PTPRD: variants seen among roughly 807,000 people sequenced by gnomAD.
PTPRD encodes the protein receptor-type tyrosine-protein phosphatase delta.
Under a neutral mutation model 214.5 loss-of-function variants are expected in PTPRD, and 34 were observed. That is an observed-to-expected ratio of 0.16 (90% CI 0.12 to 0.21). The LOEUF (loss-of-function observed/expected upper bound fraction) is 0.21. Ranked by LOEUF, PTPRD falls within the 10% of genes least tolerant of loss-of-function variation. The pLI, the probability that PTPRD is intolerant of heterozygous loss-of-function variation, is 1.00. For missense variants in PTPRD, 2,545 were observed against 2,398.7 expected (o/e 1.06, Z -1.27); for synonymous variants, 1,128 against 845.7 (o/e 1.33, Z -5.79).
intron 10 of PTPRD, among the ~76,000 whole-genome samples, chr9:9,123,074 A>G (rs1411545677): frequency 6.6e-6 from 1 of 152,206 alleles, no homozygotes; most frequent in African/African-American, 2.4e-5. Context: ...AGGAGAAATG[A>G]GAACCGAAGC....
At chr9:9,356,965 G>C (rs2054040166) in intron 9 of PTPRD, among the ~76,000 whole-genome samples, 2 of 151,256 alleles carry the variant, frequency 1.3e-5, no homozygotes, top group African/African-American at 2.4e-5. Flanking sequence ...TGTAAAATAA[G>C]GTCAAGCAAC....
At chr9:8,955,406 C>T (rs2099125853) in intron 11 of PTPRD, among the ~76,000 whole-genome samples, 1 of 151,742 alleles carries the variant, frequency 6.6e-6, no homozygotes. Context: ...AGCTCGTAGA[C>T]TCAATTATTC....
intron 11 of PTPRD, among the ~76,000 whole-genome samples, chr9:8,766,711 T>C (rs2094781199): frequency 6.6e-6 from 1 of 152,210 alleles, no homozygotes; most frequent in Non-Finnish European, 1.5e-5. Flanking sequence ...TCATCACTCA[T>C]GGATTCACCA....
chr9:8,639,200 C>A (rs2096519900), intron 12 of PTPRD, among the ~76,000 whole-genome samples: 1 of 152,206 alleles, frequency 6.6e-6, no homozygotes. Context: ...ACATTGATGT[C>A]ACTTTTCTGG....
intron 10 of PTPRD, among the ~76,000 whole-genome samples, chr9:9,112,475 T>C (rs554891301): frequency 9.0e-4 from 137 of 152,294 alleles, no homozygotes; most frequent in Admixed American, 3.3e-3. Flanking sequence ...ATGTTGCAGA[T>C]CTAGCTGATT....
intron 37 of PTPRD, among the ~76,000 whole-genome samples, chr9:8,386,063 A>G (rs989814): frequency 0.4 from 60,699 of 152,064 alleles, 13,476 homozygotes; most frequent in East Asian, 0.63. Flanking sequence ...ACCAAACAAT[A>G]CCATTTGAGA....
At chr9:10,320,250 C>T (rs140615184) in intron 3 of PTPRD, among the ~76,000 whole-genome samples, 3 of 151,984 alleles carry the variant, frequency 2.0e-5, no homozygotes, top group Non-Finnish European at 4.4e-5. Context: ...AGCAGTTCTG[C>T]ACTTAATATT....
At chr9:8,488,152 T>A (rs1047806683) in intron 27 of PTPRD, among the ~76,000 whole-genome samples, 2 of 152,158 alleles carry the variant, frequency 1.3e-5, no homozygotes, top group Non-Finnish European at 2.9e-5. Context: ...ACTAAAAAGA[T>A]TATGAGACAA....
chr9:10,233,068 A>T (rs1054865016), intron 3 of PTPRD, among the ~76,000 whole-genome samples: 1 of 152,044 alleles, frequency 6.6e-6, no homozygotes, highest in Non-Finnish European at 1.5e-5. Flanking sequence ...GACTGTATTT[A>T]GTGAAATTTG....
chr9:9,164,124 A>C (rs2099896522), intron 10 of PTPRD, among the ~76,000 whole-genome samples: 1 of 151,968 alleles, frequency 6.6e-6, no homozygotes, highest in African/African-American at 2.4e-5. Flanking sequence ...TTTTGCTTAA[A>C]ACAGCACAAA....
chr9:8,824,540 G>A (rs1293631993), intron 11 of PTPRD, among the ~76,000 whole-genome samples: 1 of 152,118 alleles, frequency 6.6e-6, no homozygotes. Flanking sequence ...CAGTAAGCTT[G>A]TTTTGTATTC....
At chr9:9,795,551 A>G (rs1469124361) in intron 5 of PTPRD, among the ~76,000 whole-genome samples, 7 of 152,212 alleles carry the variant, frequency 4.6e-5, no homozygotes, top group African/African-American at 1.7e-4. Context: ...ATTGATACTT[A>G]GTCAAAAAGG....
chr9:9,356,944 G>A (rs1291458223), intron 9 of PTPRD, among the ~76,000 whole-genome samples: 1 of 151,314 alleles, frequency 6.6e-6, no homozygotes, highest in African/African-American at 2.4e-5. Context: ...AAAATTAGAG[G>A]GAAATACATC....
chr9:8,357,645 T>G (rs998944493), intron 39 of PTPRD, among the ~76,000 whole-genome samples: 8 of 152,204 alleles, frequency 5.3e-5, no homozygotes, highest in Non-Finnish European at 1.2e-4. Context: ...TGAAGTTTTT[T>G]TCTTAATACT....
At chr9:9,006,009 T>A (rs1037724415) in intron 11 of PTPRD, among the ~76,000 whole-genome samples, 4 of 152,032 alleles carry the variant, frequency 2.6e-5, no homozygotes, top group Non-Finnish European at 5.9e-5. Context: ...GGATTTTTTT[T>A]TAAATTTTCT....
At chr9:9,176,185 G>T (rs1021416988) in intron 10 of PTPRD, among the ~76,000 whole-genome samples, 42 of 152,276 alleles carry the variant, frequency 2.8e-4, no homozygotes, top group Admixed American at 1.4e-3. Flanking sequence ...TTGTCAGCTT[G>T]CTGGTCTAAT....
At chr9:10,540,668 C>CT (rs1566827566) in intron 2 of PTPRD, among the ~76,000 whole-genome samples, 1 of 152,108 alleles carries the variant, frequency 6.6e-6, no homozygotes, top group African/African-American at 2.4e-5. Context: ...AATCCACTGG[C>CT]TAGGTGGATG....
intron 3 of PTPRD, among the ~76,000 whole-genome samples, chr9:10,199,721 A>T (rs1420243530): frequency 6.6e-6 from 1 of 152,010 alleles, no homozygotes; most frequent in Non-Finnish European, 1.5e-5. Context: ...GCAAATCTGA[A>T]TTTCCAACCC....
At chr9:9,356,813 A>G (rs1313441959) in intron 9 of PTPRD, among the ~76,000 whole-genome samples, 1 of 151,408 alleles carries the variant, frequency 6.6e-6, no homozygotes, top group East Asian at 1.9e-4. Context: ...ATGATCTCCA[A>G]GGTCCATTCT....
Sources: allele counts gnomAD v4.1 joint callset (sites outside exome capture counted in the v4.1 genomes callset), GRCh38; gene constraint gnomAD v4.1.1; transcripts MANE v1.5; gene names NCBI Gene and HGNC (gene_info 2026-07-23, HGNC 2026-07-21).